Variants in WWC1 observed in about 807,000 individuals in gnomAD.
The protein encoded by WWC1 is WW and C2 domain containing 1.
WWC1 carries 55 observed loss-of-function variants against 138.4 expected under a neutral mutation model. That is an observed-to-expected ratio of 0.40 (90% CI 0.32 to 0.50). WWC1 has a LOEUF of 0.50. WWC1 is among the 20% of genes least tolerant of loss of function. The probability of loss-of-function intolerance (pLI) is 0.72; values close to 1 mark genes in which losing one functional copy is unlikely to be tolerated. For synonymous variants in WWC1, 524 were observed against 564.9 expected (o/e 0.93, Z 1.03); for missense variants, 1,226 against 1,420.4 (o/e 0.86, Z 2.20).
At chr5:168,295,469 A>G (rs1376405453) in intron 1 of WWC1, among the ~76,000 whole-genome samples, 3 of 138,948 alleles carry the variant, frequency 2.2e-5, no homozygotes, top group African/African-American at 8.6e-5. Flanking sequence ...AAATTGCACT[A>G]AAAATTTCTA....
In WWC1 at chr5:168,397,724, T is replaced by C; in HGVS notation, c.434T>C (p.Leu145Ser). 1 of 1,614,020 alleles carries C rather than the reference T, an allele frequency of 6.2e-7. No homozygotes were observed. Among genetic ancestry groups the C allele is most frequent in the Non-Finnish European group, 8.5e-7 (1 of 1,179,918 alleles). The change falls in exon 4 of 23, where the codon TTG becomes TCG. Residue 145 changes from leucine (L) to serine (S), a missense_variant and splice_region_variant. Physicochemically the swap from Leu to Ser is moderately radical, Grantham distance 145. Transcript: ENST00000265293. Reference protein sequence around the residue: ...WEHKLGSQVSLVSGSSSSSKY... With the variant: ...WEHKLGSQVSSVSGSSSSSKY... ...TCTTGTTTTTCTTTTTTCCTTACAG[T>C]GGTCTCTGGTTCATCATCCAGCTCC...
intron 15 of WWC1, among the ~76,000 whole-genome samples, chr5:168,437,076 TACAC>T (rs74504712): frequency 0.4 from 60,793 of 151,582 alleles, 12,408 homozygotes; most frequent in East Asian, 0.61. Flanking sequence ...GTTCCTTGAA[TACAC>T]ACACCAACAT....
intron 9 of WWC1, among the ~76,000 whole-genome samples, chr5:168,417,432 A>G (rs182822581): frequency 4.2e-4 from 64 of 152,206 alleles, no homozygotes; most frequent in African/African-American, 1.5e-3. Flanking sequence ...CCTGTGCCAG[A>G]CAGTAGCCTA....
chr5:168,371,985 C>A (rs1041078308), intron 2 of WWC1, among the ~76,000 whole-genome samples: 2 of 151,890 alleles, frequency 1.3e-5, no homozygotes, highest in African/African-American at 4.8e-5. Context: ...AGCAGGCCCC[C>A]CACAGCATGT....
At chr5:168,302,997 C>G (rs546866615) in intron 1 of WWC1, among the ~76,000 whole-genome samples, 2 of 152,190 alleles carry the variant, frequency 1.3e-5, no homozygotes, top group South Asian at 4.2e-4. Context: ...TCCTGCAGGT[C>G]CCCAGATGAT....
chr5:168,371,157 T>C (rs1240329586), intron 1 of WWC1, among the ~76,000 whole-genome samples: 1 of 152,196 alleles, frequency 6.6e-6, no homozygotes, highest in Non-Finnish European at 1.5e-5. Context: ...GGAAGTTGAC[T>C]TGCTCCAGTC....
intron 1 of WWC1, among the ~76,000 whole-genome samples, chr5:168,366,415 T>C (rs1776293764): frequency 6.6e-6 from 1 of 152,200 alleles, no homozygotes; most frequent in Admixed American, 6.5e-5. Context: ...GTCAGCCCTC[T>C]GGCATTTCCC....
At position 168,406,199 on chromosome 5, in the gene WWC1, A is replaced by G. The variant is rs759213248; in HGVS notation, c.592A>G (p.Ile198Val). 4.3e-6 allele frequency: 7 copies of G among 1,613,656 alleles called. No homozygotes were observed. The highest frequency in any genetic ancestry group is 4.0e-5 in the African/African-American group (3 of 74,918). Residue 198 changes from isoleucine to valine, a missense_variant and splice_region_variant, in exon 6 of 23, where the codon ATC becomes GTC. Physicochemically the swap from Ile to Val is conservative, Grantham distance 29. Transcript: ENST00000265293. The stretch of plus-strand genomic sequence containing the variant: ...CCTTTCCCATTAACTGTCTCCTAGA[A>G]TCGATAAGAAAATGTCTGATGCTCA... Reference protein sequence around the residue: ...KERGFQTLKKIDKKMSDAQGS... With the variant: ...KERGFQTLKKVDKKMSDAQGS...
intron 15 of WWC1, among the ~76,000 whole-genome samples, chr5:168,432,791 GTGA>G (rs1259745222): frequency 6.6e-6 from 1 of 152,192 alleles, no homozygotes; most frequent in Non-Finnish European, 1.5e-5. Flanking sequence ...ATGGGTTGAA[GTGA>G]TGGAGGAAAA....
intron 16 of WWC1, among the ~76,000 whole-genome samples, chr5:168,443,807 T>C (rs1755001993): frequency 6.6e-6 from 1 of 152,240 alleles, no homozygotes; most frequent in African/African-American, 2.4e-5. Context: ...ATTAACCATG[T>C]GCTCAGAAAA....
intron 1 of WWC1, among the ~76,000 whole-genome samples, chr5:168,312,176 C>T (rs1771158713): frequency 6.6e-6 from 1 of 151,464 alleles, no homozygotes; most frequent in Non-Finnish European, 1.5e-5. Context: ...GAGATTGCAC[C>T]ATTACACTCT....
At chr5:168,337,567 G>C (rs1213663855) in intron 1 of WWC1, among the ~76,000 whole-genome samples, 1 of 152,234 alleles carries the variant, frequency 6.6e-6, no homozygotes, top group African/African-American at 2.4e-5. Context: ...TCAAGGCCAG[G>C]AGGCCCTGAA....
intron 15 of WWC1, 148 bp downstream of exon 15, chr5:168,431,592 C>A: frequency 1.1e-6 from 1 of 904,156 alleles, no homozygotes; most frequent in Non-Finnish European, 1.6e-6. Context: ...ATCAATCAGG[C>A]TCATCTTGGA....
intron 1 of WWC1, among the ~76,000 whole-genome samples, chr5:168,308,822 T>G (rs1006122795): frequency 3.3e-5 from 5 of 152,208 alleles, no homozygotes; most frequent in African/African-American, 1.2e-4. Context: ...CCTGGCCCAC[T>G]TCTTGGTCCT....
intron 8 of WWC1, among the ~76,000 whole-genome samples, chr5:168,413,675 A>C (rs1350497138): frequency 6.6e-6 from 1 of 152,168 alleles, no homozygotes; most frequent in East Asian, 1.9e-4. Context: ...CAGGCCTCTG[A>C]CCCCAAATCC....
intron 1 of WWC1, among the ~76,000 whole-genome samples, chr5:168,325,179 A>G (rs1433020526): frequency 6.6e-6 from 1 of 152,200 alleles, no homozygotes; most frequent in Non-Finnish European, 1.5e-5. Flanking sequence ...GTCCTCTGAG[A>G]TGGCAGGCCC....
In WWC1 at chr5:168,293,790, T is replaced by C. The variant is rs554139056; in HGVS notation, c.119+1519T>C. Among the ~76,000 whole-genome samples the C allele has an allele frequency of 6.1e-4, 93 of 152,248 alleles. 2 individuals are homozygous for C. The highest frequency in any genetic ancestry group is 2.2e-3 in the African/African-American group (91 of 41,522). Reference sequence around the variant, plus strand: ...TCCCATTTGAAACATAAGAGAAAATTTGAAGCCCAGAGGTGTGATTTGCTC... The same window carrying C: ...TCCCATTTGAAACATAAGAGAAAATCTGAAGCCCAGAGGTGTGATTTGCTC... On this transcript the variant is annotated intron_variant, in intron 1 of 22. Coordinates refer to ENST00000265293, the MANE Select transcript of WWC1 (RefSeq NM_015238.3).
chr5:168,346,030 C>T (rs1444228264), intron 1 of WWC1, among the ~76,000 whole-genome samples: 11 of 152,086 alleles, frequency 7.2e-5, no homozygotes, highest in Non-Finnish European at 1.0e-4. Flanking sequence ...ACCACCAGGG[C>T]AGGGAGAAAC....
At chr5:168,359,396 A>G (rs1775714417) in intron 1 of WWC1, among the ~76,000 whole-genome samples, 1 of 152,168 alleles carries the variant, frequency 6.6e-6, no homozygotes, top group Non-Finnish European at 1.5e-5. Context: ...TCTGAAATTA[A>G]TCTTCATTAC....
Sources: allele counts gnomAD v4.1 joint callset (sites outside exome capture counted in the v4.1 genomes callset), GRCh38; gene constraint gnomAD v4.1.1; transcripts MANE v1.5; gene names NCBI Gene and HGNC (gene_info 2026-07-23, HGNC 2026-07-21).